KCNIP4: variants seen among roughly 807,000 people sequenced by gnomAD.
The protein encoded by KCNIP4 is Kv channel-interacting protein 4.
In KCNIP4, 12 loss-of-function variants were observed where a neutral mutation model predicts 34.0. The observed-to-expected ratio is 0.35, with a 90% CI of 0.23 to 0.57. The LOEUF (loss-of-function observed/expected upper bound fraction) is 0.57. KCNIP4 is among the 20% of genes least tolerant of loss of function. The probability of loss-of-function intolerance (pLI) is 0.83; values close to 1 mark genes in which losing one functional copy is unlikely to be tolerated. For synonymous variants in KCNIP4, 124 were observed against 102.2 expected (o/e 1.21, Z -1.29); for missense variants, 238 against 311.7 (o/e 0.76, Z 1.78).
chr4:21,940,303 T>C (rs953728538), intron 1 of KCNIP4, among the ~76,000 whole-genome samples: 6 of 152,222 alleles, frequency 3.9e-5, no homozygotes. Flanking sequence ...ATTCTATAGG[T>C]CCCCAAAGAG....
At chr4:20,779,618 T>A (rs1247324932) in intron 3 of KCNIP4, among the ~76,000 whole-genome samples, 4 of 61,632 alleles carry the variant, frequency 6.5e-5, no homozygotes, top group East Asian at 5.7e-4. Flanking sequence ...ACAAAAAAAA[T>A]TTCAGGTATA....
At chr4:21,913,039 A>G (rs1728428630) in intron 1 of KCNIP4, among the ~76,000 whole-genome samples, 1 of 152,042 alleles carries the variant, frequency 6.6e-6, no homozygotes, top group Non-Finnish European at 1.5e-5. Flanking sequence ...TTTAGCAAAA[A>G]CAATCACTAA....
At chr4:21,429,685 T>C (rs1055815826) in intron 1 of KCNIP4, among the ~76,000 whole-genome samples, 1 of 152,212 alleles carries the variant, frequency 6.6e-6, no homozygotes, top group African/African-American at 2.4e-5. Context: ...ATGTGTGTAA[T>C]AGTGTCCCAT....
chr4:20,737,947 C>T (rs538384063), intron 5 of KCNIP4, among the ~76,000 whole-genome samples: 12 of 152,096 alleles, frequency 7.9e-5, no homozygotes, highest in East Asian at 5.8e-4. Context: ...GCCTGAGCAA[C>T]GCAGCCAGAT....
chr4:21,142,150 C>CAA lies in KCNIP4; in HGVS notation c.62-259443_62-259442dup, dbSNP rs369182504. On this transcript the variant is annotated intron_variant, in intron 1 of 8. Transcript: ENST00000382152. ...TGGGCGACAGTGCGAGACACCGTCT[C>CAA]AAAAAAAAAAAAAAAAAAACCCAAA... Among the ~76,000 whole-genome samples, 635 of 105,746 alleles carry CAA rather than the reference C, an allele frequency of 6.0e-3. 10 individuals are homozygous for CAA. Among genetic ancestry groups the CAA allele is most frequent in the African/African-American group, 0.016 (473 of 28,800 alleles). The allele number at this position is 105,746 out of a possible 152,430, so 69.4% of individuals were successfully genotyped here.
rs1042288529 is a variant in KCNIP4 at position 21,165,894 on chromosome 4, A to C, written c.62-283185T>G. Among the ~76,000 whole-genome samples the C allele has an allele frequency of 2.6e-5, 4 of 152,286 alleles. 1 individual carries two copies. The highest frequency in any genetic ancestry group is 2.6e-4 in the Admixed American group (4 of 15,286). On this transcript the variant is annotated intron_variant, in intron 1 of 8. Transcript: ENST00000382152. Reference sequence around the variant, plus strand: ...CCATGCTGGCTCTGCCTTCATCAATAAATTCCTGCCTTAGAAAAGTCTTGA... The same window carrying C: ...CCATGCTGGCTCTGCCTTCATCAATCAATTCCTGCCTTAGAAAAGTCTTGA...
At chr4:21,540,749 C>A (rs555835632) in intron 1 of KCNIP4, among the ~76,000 whole-genome samples, 52 of 152,148 alleles carry the variant, frequency 3.4e-4, no homozygotes, top group Non-Finnish European at 6.3e-4. Context: ...TACATATTAT[C>A]ACCTCACAGG....
At chr4:21,739,026 A>C (rs954763296) in intron 1 of KCNIP4, among the ~76,000 whole-genome samples, 6 of 152,182 alleles carry the variant, frequency 3.9e-5, no homozygotes, top group African/African-American at 1.4e-4. Flanking sequence ...TAAGGAGTGA[A>C]AGACCGTTGA....
intron 1 of KCNIP4, among the ~76,000 whole-genome samples, chr4:21,132,283 C>A (rs1013498535): frequency 7.9e-5 from 12 of 152,130 alleles, no homozygotes; most frequent in Non-Finnish European, 1.5e-4. Flanking sequence ...GTCCCTTTGA[C>A]AGAATCAGAT....
At position 20,730,026 on chromosome 4, in the gene KCNIP4, TAAGGGTGGTAG is replaced by T; in HGVS notation, c.*45_*55del. ...ATGCTAAAAGTGGTAGCTCCAACTT[TAAGGGTGGTAG>T]AATAGTTCACATTTGTCTGTTGGAT... On this transcript the variant is annotated 3_prime_UTR_variant, in exon 9 of 9. Transcript: ENST00000382152. 6.4e-7 allele frequency: 1 copy of T among 1,556,002 alleles called. No homozygotes were observed. Among genetic ancestry groups the T allele is most frequent in the African/African-American group, 1.4e-5 (1 of 72,838 alleles).
At chr4:21,402,220 C>T (rs750812567) in intron 1 of KCNIP4, among the ~76,000 whole-genome samples, 1 of 152,154 alleles carries the variant, frequency 6.6e-6, no homozygotes, top group African/African-American at 2.4e-5. Flanking sequence ...CTTCAATTTC[C>T]CCAAACCTTA....
chr4:21,592,461 T>C (rs1168182926), intron 1 of KCNIP4, among the ~76,000 whole-genome samples: 1 of 152,146 alleles, frequency 6.6e-6, no homozygotes, highest in African/African-American at 2.4e-5. Flanking sequence ...ACAGAAATTA[T>C]CATTGATTGG....
At chr4:21,300,187 T>C (rs954432616) in intron 1 of KCNIP4, among the ~76,000 whole-genome samples, 6 of 152,168 alleles carry the variant, frequency 3.9e-5, no homozygotes, top group Admixed American at 1.3e-4. Flanking sequence ...CACAGCCCAG[T>C]GTTACATATA....
Position 20,857,045 on chromosome 4 carries a change from A to G in KCNIP4, c.164-6378T>C, listed in dbSNP as rs776946723. On this transcript the variant is annotated intron_variant, in intron 2 of 8. Coordinates refer to ENST00000382152, the MANE Select transcript of KCNIP4 (RefSeq NM_025221.6). ...TAGGATGATCATCACATGCAGTATT[A>G]AAAAAAAAAAAAAAACGCCCTTGAA... Among the ~76,000 whole-genome samples, 8 of 58,644 alleles carry G rather than the reference A, an allele frequency of 1.4e-4. No individual in the cohort carries two copies. The East Asian group carries it at 1.4e-3, about 10-fold the overall frequency. 38.5% of individuals were successfully genotyped at this position (58,644 alleles called of 152,430 possible). A position where few individuals can be genotyped will look rare whatever the true frequency, so the allele number is the denominator to read the frequency against.
At chr4:21,563,429 G>T (rs551207908) in intron 1 of KCNIP4, among the ~76,000 whole-genome samples, 25 of 152,114 alleles carry the variant, frequency 1.6e-4, no homozygotes, top group Admixed American at 1.5e-3. Context: ...CTTTCTGTGT[G>T]TTACTATATT....
chr4:20,878,980 C>T (rs912666959), intron 2 of KCNIP4, among the ~76,000 whole-genome samples: 5 of 152,046 alleles, frequency 3.3e-5, no homozygotes, highest in Admixed American at 6.6e-5. Context: ...GAGAAGATTC[C>T]GACTTCAGCA....
At chr4:21,137,639 CT>C (rs1302317592) in intron 1 of KCNIP4, among the ~76,000 whole-genome samples, 1 of 152,044 alleles carries the variant, frequency 6.6e-6, no homozygotes, top group Non-Finnish European at 1.5e-5. Context: ...CTCTGTTCAT[CT>C]GCTCAACAGG....
intron 1 of KCNIP4, among the ~76,000 whole-genome samples, chr4:21,493,879 T>A (rs1186852695): frequency 5.3e-5 from 8 of 152,204 alleles, no homozygotes; most frequent in Non-Finnish European, 1.2e-4. Flanking sequence ...CTAGGGGGAT[T>A]GTCTGGTGGC....
At chr4:20,860,387 C>G (rs1722067403) in intron 2 of KCNIP4, among the ~76,000 whole-genome samples, 2 of 152,164 alleles carry the variant, frequency 1.3e-5, no homozygotes. Context: ...ATCCATGGAC[C>G]TCGGCCTCCC....
Sources: allele counts gnomAD v4.1 joint callset (sites outside exome capture counted in the v4.1 genomes callset), GRCh38; gene constraint gnomAD v4.1.1; transcripts MANE v1.5; gene names NCBI Gene and HGNC (gene_info 2026-07-23, HGNC 2026-07-21).